LCT: variants seen among roughly 807,000 people sequenced by gnomAD.
The protein encoded by LCT is lactase, also known as lactase/phlorizin hydrolase.
LCT carries 90 observed loss-of-function variants against 173.0 expected under a neutral mutation model. The observed-to-expected ratio is 0.52, with a 90% CI of 0.44 to 0.62. The LOEUF is 0.62. Among genes scored for constraint, LCT ranks in the 20% least tolerant of loss-of-function variants. The pLI, the probability that LCT is intolerant of heterozygous loss-of-function variation, is 0.00. For missense variants in LCT, 1,864 were observed against 2,431.4 expected, an observed-to-expected ratio of 0.77 and a Z score of 4.91; for synonymous variants, 853 against 957.6, an observed-to-expected ratio of 0.89 and a Z score of 2.02.
chr2:135,814,553 T>C (rs898650245), intron 6 of LCT, among the ~76,000 whole-genome samples: 1 of 151,776 alleles, frequency 6.6e-6, no homozygotes, highest in African/African-American at 2.4e-5. Context: ...AGTCTCGCTC[T>C]GTCACCAGGC....
Position 135,789,708 on chromosome 2 carries a change from C to T in LCT, c.5426G>A (p.Gly1809Asp). 6.2e-7 allele frequency: 1 copy of T among 1,614,178 alleles called. No individual in the cohort carries two copies. The highest frequency in any genetic ancestry group is 8.5e-7 in the Non-Finnish European group (1 of 1,180,010). Residue 1809 changes from glycine to aspartate, a missense_variant, in exon 16 of 17, where the codon GGT becomes GAT. Gly to Asp is a moderately conservative substitution (Grantham distance 94, BLOSUM62 -1). Coordinates refer to ENST00000264162, the MANE Select transcript of LCT (RefSeq NM_002299.4). ...EWATGFSERF[G>D]LHFVNYSDPS... The stretch of plus-strand genomic sequence containing the variant: ...GTCACTGTAGTTCACAAAATGCAGA[C>T]CAAATCTCTCTGAAAAGCCTGTGGC...
chr2:135,811,340 C>A (rs909442614), intron 7 of LCT, among the ~76,000 whole-genome samples: 5 of 152,108 alleles, frequency 3.3e-5, no homozygotes, highest in African/African-American at 1.2e-4. Context: ...GAAAAAGGAT[C>A]TTTGCAGATG....
intron 14 of LCT, among the ~76,000 whole-genome samples, chr2:135,793,651 C>G (rs2077551696): frequency 6.6e-6 from 1 of 152,086 alleles, no homozygotes; most frequent in Non-Finnish European, 1.5e-5. Flanking sequence ...ATAAAGAATT[C>G]AGAAGGTTGA....
In LCT at chr2:135,812,585, G is replaced by A. The variant is rs767194078; in HGVS notation, c.2079C>T (p.Asn693=). ...LSHYTSRLIS[N]APQNTCIPSY... Reference sequence around the variant, plus strand: ...TAGGGATGCAGGTGTTTTGTGGGGCGTTGCTGATGAGGCGGGAGGTGTAAT... The same window carrying A: ...TAGGGATGCAGGTGTTTTGTGGGGCATTGCTGATGAGGCGGGAGGTGTAAT... Residue 693 remains asparagine, a synonymous_variant, in exon 7 of 17, where the codon AAC becomes AAT. Coordinates refer to ENST00000264162, the MANE Select transcript of LCT (RefSeq NM_002299.4). 2.7e-5 allele frequency: 43 copies of A among 1,613,068 alleles called. No individual in the cohort carries two copies. Among genetic ancestry groups the A allele is most frequent in the Admixed American group, 8.3e-5 (5 of 59,980 alleles).
chr2:135,801,327 G>C (rs1422382054), intron 11 of LCT, among the ~76,000 whole-genome samples: 4 of 152,212 alleles, frequency 2.6e-5, no homozygotes, highest in African/African-American at 7.2e-5. Context: ...AAACTAGAGA[G>C]ACTAAAGAGA....
chr2:135,827,121 G>T (rs547136466), intron 3 of LCT, among the ~76,000 whole-genome samples: 1 of 152,266 alleles, frequency 6.6e-6, no homozygotes, highest in East Asian at 1.9e-4. Flanking sequence ...TGGGATTACA[G>T]GTTCGTGCCA....
intron 10 of LCT, 54 bp from the exon 11 acceptor site, chr2:135,804,182 C>T: frequency 7.0e-7 from 1 of 1,419,702 alleles, no homozygotes. Context: ...ATGGGAAGCC[C>T]TAGGTTAGAT....
chr2:135,797,306 C>G (rs1195791923), intron 13 of LCT, among the ~76,000 whole-genome samples: 1 of 152,120 alleles, frequency 6.6e-6, no homozygotes, highest in Non-Finnish European at 1.5e-5. Flanking sequence ...GGGCAGGACT[C>G]AAAGACTATG....
chr2:135,813,105 G>A (rs2077749260), intron 6 of LCT, 149 bp from the exon 7 acceptor site: 2 of 742,386 alleles, frequency 2.7e-6, no homozygotes, highest in Middle Eastern at 3.4e-4. Context: ...GACAACATCA[G>A]CACTAATGTT....
At chr2:135,804,388 A>G (rs1418516535) in intron 10 of LCT, among the ~76,000 whole-genome samples, 1 of 152,222 alleles carries the variant, frequency 6.6e-6, no homozygotes, top group Non-Finnish European at 1.5e-5. Context: ...ACAATTAAAA[A>G]GTTAAATTTG....
At chr2:135,825,902 T>C (rs989867444) in intron 3 of LCT, among the ~76,000 whole-genome samples, 6 of 152,064 alleles carry the variant, frequency 3.9e-5, no homozygotes, top group Non-Finnish European at 8.8e-5. Flanking sequence ...ACTGGGAAGG[T>C]GGGCAGCACG....
intron 2 of LCT, among the ~76,000 whole-genome samples, chr2:135,831,671 G>A (rs1002809899): frequency 6.6e-6 from 1 of 152,206 alleles, no homozygotes; most frequent in African/African-American, 2.4e-5. Flanking sequence ...CAGCCTGGGA[G>A]TTGTCCCTCC....
At position 135,808,597 on chromosome 2, in the gene LCT, G is replaced by A. The variant is rs370747383; in HGVS notation, c.3750C>T (p.Pro1250=). ...WPSTAMNRAA[P]WGTRRLLNWI... ...AGTTCAGCAGCCTTCGCGTCCCCCA[G>A]GGCGCAGCTCTGTTCATTGCCGTGG... is the stretch of plus-strand genomic sequence containing the variant. The change falls in exon 8 of 17, where the codon CCC becomes CCT. Residue 1250 remains proline (P), a synonymous_variant. Coordinates refer to ENST00000264162, the MANE Select transcript of LCT (RefSeq NM_002299.4). 3 of 1,614,122 alleles carry A rather than the reference G, an allele frequency of 1.9e-6. No individual in the cohort carries two copies. Among genetic ancestry groups the A allele is most frequent in the East Asian group, 2.2e-5 (1 of 44,888 alleles).
chr2:135,811,276 C>T (rs1006859657), intron 7 of LCT, among the ~76,000 whole-genome samples: 1 of 151,958 alleles, frequency 6.6e-6, no homozygotes, highest in Non-Finnish European at 1.5e-5. Context: ...TGGTGACCCC[C>T]GAAAGATATG....
At chr2:135,805,683 T>C (rs1161609725) in intron 9 of LCT, among the ~76,000 whole-genome samples, 1 of 152,202 alleles carries the variant, frequency 6.6e-6, no homozygotes, top group Non-Finnish European at 1.5e-5. Context: ...GGACTGGTCA[T>C]AGTCATGGGC....
chr2:135,826,214 C>T (rs2077887526), intron 3 of LCT, among the ~76,000 whole-genome samples: 1 of 152,164 alleles, frequency 6.6e-6, no homozygotes. Context: ...TGGCCAGCTA[C>T]AGACTGAAGT....
At chr2:135,789,462 A>T (rs1268029336) in intron 16 of LCT, 109 bp downstream of exon 16, 3 of 766,936 alleles carry the variant, frequency 3.9e-6, no homozygotes, top group Non-Finnish European at 6.9e-6. Context: ...AATGAAGGAG[A>T]TGGGGCAGCA....
chr2:135,816,036 T>G, intron 6 of LCT, among the ~76,000 whole-genome samples: 1 of 151,960 alleles, frequency 6.6e-6, no homozygotes, highest in South Asian at 2.1e-4. Context: ...ACCCAAACAG[T>G]GACAGGGAAA....
chr2:135,823,164 T>C (rs1370456443), intron 4 of LCT: 1 of 155,586 alleles, frequency 6.4e-6, no homozygotes, highest in Non-Finnish European at 1.4e-5. Context: ...AGAACACTAC[T>C]GACTTCTCCC....
Sources: gnomAD v4.1 joint callset for allele counts (sites outside exome capture counted in the v4.1 genomes callset) on GRCh38, gnomAD v4.1.1 for gene constraint, MANE v1.5 for transcripts, NCBI Gene and HGNC (gene_info 2026-07-23, HGNC 2026-07-21) for gene names.